The following ACSM3 variants were observed in gnomAD, a reference collection of about 807,000 sequenced individuals.
The protein encoded by ACSM3 is acyl-coenzyme A synthetase ACSM3, mitochondrial.
A neutral mutation model predicts 74.1 loss-of-function variants in ACSM3; 61 were observed. The ratio of observed to expected loss-of-function variants is 0.82; its 90% confidence interval spans 0.67 to 1.02. ACSM3 has a LOEUF of 1.02. Ranked by LOEUF, ACSM3 falls within the 50% of genes least tolerant of loss-of-function variation. ACSM3 has a pLI of 0.00. For synonymous variants in ACSM3, 213 were observed against 241.5 expected, an observed-to-expected ratio of 0.88 and a Z score of 1.09; for missense variants, 660 against 697.0, an observed-to-expected ratio of 0.95 and a Z score of 0.60.
chr16:20,684,153 G>GAA (rs2079504753), intron 1 of ACSM3, among the ~76,000 whole-genome samples: 1 of 152,000 alleles, frequency 6.6e-6, no homozygotes, highest in African/African-American at 2.4e-5. Context: ...AAAGGGGAAG[G>GAA]GAAATCTCTA....
At chr16:20,678,040 AAATG>A (rs1353792767) in intron 1 of ACSM3, among the ~76,000 whole-genome samples, 46 of 151,870 alleles carry the variant, frequency 3.0e-4, no homozygotes, top group African/African-American at 1.1e-3. Context: ...ATAAATAAAT[AAATG>A]AGACAAAGAG....
intron 1 of ACSM3, among the ~76,000 whole-genome samples, chr16:20,765,925 A>T (rs973224027): frequency 2.6e-5 from 4 of 152,192 alleles, no homozygotes; most frequent in African/African-American, 9.7e-5. Flanking sequence ...GTAACATCAC[A>T]TTTATTTATT....
At chr16:20,718,019 A>G (rs962988041) in intron 1 of ACSM3, among the ~76,000 whole-genome samples, 17 of 149,048 alleles carry the variant, frequency 1.1e-4, no homozygotes, top group African/African-American at 4.1e-4. Flanking sequence ...AAGAAGAAGA[A>G]GAAGAAGAAA....
intron 1 of ACSM3, among the ~76,000 whole-genome samples, chr16:20,710,705 T>C (rs2079741271): frequency 6.6e-6 from 1 of 152,132 alleles, no homozygotes; most frequent in African/African-American, 2.4e-5. Flanking sequence ...CAAAACTCAC[T>C]TTGGAGACCA....
chr16:20,791,946 C>T, intron 10 of ACSM3, 56 bp from the exon 11 acceptor site: 2 of 1,570,650 alleles, frequency 1.3e-6, no homozygotes, highest in African/African-American at 1.4e-5. Context: ...AAAAAAATTC[C>T]AATTGACCAG....
chr16:20,776,660 G>T (rs1204907572), intron 3 of ACSM3, among the ~76,000 whole-genome samples: 1 of 152,156 alleles, frequency 6.6e-6, no homozygotes, highest in African/African-American at 2.4e-5. Flanking sequence ...TCCTATAAAA[G>T]AAGTAGTATT....
chr16:20,730,804 G>A (rs2152407026), intron 1 of ACSM3, among the ~76,000 whole-genome samples: 1 of 152,062 alleles, frequency 6.6e-6, no homozygotes, highest in South Asian at 2.1e-4. Context: ...AACAATATGA[G>A]GCAAAAAACG....
intron 1 of ACSM3, among the ~76,000 whole-genome samples, chr16:20,747,327 T>C (rs1355784570): frequency 2.0e-5 from 3 of 152,220 alleles, no homozygotes; most frequent in African/African-American, 7.2e-5. Context: ...TTCCCTTCTG[T>C]ACAGCATGGC....
chr16:20,707,334 T>A (rs911233423), intron 1 of ACSM3, among the ~76,000 whole-genome samples: 3 of 152,116 alleles, frequency 2.0e-5, no homozygotes, highest in African/African-American at 7.2e-5. Flanking sequence ...TTGTAGACCT[T>A]GAAGCAGCCC....
At chr16:20,709,095 C>T (rs759408018) in intron 1 of ACSM3, among the ~76,000 whole-genome samples, 2 of 152,104 alleles carry the variant, frequency 1.3e-5, no homozygotes, top group East Asian at 1.9e-4. Flanking sequence ...CAAACCTGCA[C>T]GTTGTGCACA....
At chr16:20,766,217 C>T (rs780571551) in intron 1 of ACSM3, among the ~76,000 whole-genome samples, 5 of 152,068 alleles carry the variant, frequency 3.3e-5, no homozygotes, top group South Asian at 2.1e-4. Context: ...AGAATCAGGA[C>T]GTTCCTTTTG....
At chr16:20,724,200 T>C (rs2079796635) in intron 1 of ACSM3, among the ~76,000 whole-genome samples, 2 of 152,116 alleles carry the variant, frequency 1.3e-5, no homozygotes, top group African/African-American at 4.8e-5. Flanking sequence ...TAGATATTCA[T>C]CCCTGGGATG....
chr16:20,708,789 C>T (rs1225198131), intron 1 of ACSM3, among the ~76,000 whole-genome samples: 2 of 152,230 alleles, frequency 1.3e-5, no homozygotes, highest in African/African-American at 4.8e-5. Flanking sequence ...TATGGAACCA[C>T]GAAAGATCTC....
rs1009857225 is a variant in ACSM3 at position 20,685,045 on chromosome 16, GCCTTGCTTTGTGGTCC to G, written c.-190+10225_-190+10240del. 268 of 738,548 alleles carry G rather than the reference GCCTTGCTTTGTGGTCC, an allele frequency of 3.6e-4. 3 individuals carry two copies. Among genetic ancestry groups the G allele is most frequent in the Middle Eastern group, 7.6e-4 (2 of 2,640 alleles). The allele number at this position is 738,548 out of a possible 1,614,324, so 45.7% of individuals were successfully genotyped here. Reference sequence around the variant, plus strand: ...ACTGATAATTCCCACAGGGCAGGAAGCCTTGCTTTGTGGTCCCAGCACAGAAACTGGGGCGAAGGCT... The same window carrying G: ...ACTGATAATTCCCACAGGGCAGGAAGCAGCACAGAAACTGGGGCGAAGGCT... On this transcript the variant is annotated intron_variant, in intron 1 of 3. Transcript: ENST00000561584.
chr16:20,742,993 T>C (rs1194646795), intron 1 of ACSM3, among the ~76,000 whole-genome samples: 2 of 147,900 alleles, frequency 1.4e-5, no homozygotes, highest in East Asian at 2.0e-4. Context: ...CAGGCTGGAG[T>C]GCAGTGGTGC....
chr16:20,714,191 G>A (rs1306087146), intron 1 of ACSM3, among the ~76,000 whole-genome samples: 2 of 147,742 alleles, frequency 1.4e-5, no homozygotes, highest in South Asian at 4.4e-4. Flanking sequence ...GGAACAGCAA[G>A]AGCAAAGATA....
At chr16:20,704,850 G>A (rs1365377521) in intron 1 of ACSM3, among the ~76,000 whole-genome samples, 5 of 152,208 alleles carry the variant, frequency 3.3e-5, no homozygotes, top group Non-Finnish European at 5.9e-5. Flanking sequence ...TATCATAAAA[G>A]AGGATGATTT....
chr16:20,713,788 A>C (rs1296182793), intron 1 of ACSM3, among the ~76,000 whole-genome samples: 1 of 152,204 alleles, frequency 6.6e-6, no homozygotes, highest in East Asian at 1.9e-4. Context: ...GGTAGTTTTC[A>C]AGATGGAAAA....
intron 2 of ACSM3, among the ~76,000 whole-genome samples, chr16:20,772,707 C>A (rs1266850591): frequency 3.3e-5 from 5 of 152,146 alleles, no homozygotes; most frequent in Non-Finnish European, 5.9e-5. Flanking sequence ...TATTCTGTTT[C>A]ATTGGTCTAT....
Sources: allele counts gnomAD v4.1 joint callset (sites outside exome capture counted in the v4.1 genomes callset), GRCh38; gene constraint gnomAD v4.1.1; transcripts MANE v1.5; gene names NCBI Gene and HGNC (gene_info 2026-07-23, HGNC 2026-07-21).